The following OCLN variants were observed in gnomAD, a reference collection of about 807,000 sequenced individuals.
OCLN encodes the protein occludin.
A neutral mutation model predicts 47.9 loss-of-function variants in OCLN; 21 were observed. The ratio of observed to expected loss-of-function variants is 0.44; its 90% CI spans 0.31 to 0.63. The LOEUF (loss-of-function observed/expected upper bound fraction) is 0.63. Ranked by LOEUF, OCLN falls within the 30% of genes least tolerant of loss-of-function variation. The probability of loss-of-function intolerance (pLI) is 0.08; values close to 1 mark genes in which losing one functional copy is unlikely to be tolerated. For missense variants in OCLN, 360 were observed against 571.0 expected (o/e 0.63, Z 3.77); for synonymous variants, 117 against 198.4 (o/e 0.59, Z 3.45).
chr5:69,507,257 C>A (rs1030788889), intron 2 of OCLN, among the ~76,000 whole-genome samples: 5 of 152,068 alleles, frequency 3.3e-5, no homozygotes, highest in African/African-American at 1.2e-4. Flanking sequence ...GCCTCAGCCT[C>A]CCAAGTAGAT....
chr5:69,515,811 C>A (rs1433745197), intron 4 of OCLN, among the ~76,000 whole-genome samples: 10 of 151,380 alleles, frequency 6.6e-5, no homozygotes, highest in African/African-American at 2.4e-4. Flanking sequence ...CTCCTCACCT[C>A]CCAGACGGGG....
rs1358662300 is a variant in OCLN, at chr5:69,509,392, G to A, written c.302G>A (p.Ser101Asn). The change falls in exon 3 of 9, where the codon AGT becomes AAT. Residue 101 changes from serine to asparagine, a missense_variant. By Grantham distance (46) the Ser-to-Asn change is conservative (BLOSUM62 1). Around this residue, in one of 3 missense-constraint regions of OCLN, gnomAD observed 314 missense variants for 368.1 expected, o/e 0.85. Coordinates refer to ENST00000396442, the MANE Select transcript of OCLN (RefSeq NM_001205254.2). ...TATGGAACTTCCCTTTTAGGAGGTA[G>A]TGTAGGCTACCCTTATGGAGGAAGT... ...RGYGTSLLGG[S>N]VGYPYGGSGF... 2 of 1,614,216 alleles carry A rather than the reference G, an allele frequency of 1.2e-6. No homozygotes were observed. The highest frequency in any genetic ancestry group is 4.5e-5 in the East Asian group (2 of 44,888).
chr5:69,522,720 T>C (rs1769171961), intron 4 of OCLN, among the ~76,000 whole-genome samples: 1 of 151,740 alleles, frequency 6.6e-6, no homozygotes, highest in African/African-American at 2.4e-5. Flanking sequence ...CGGCACTCAG[T>C]TTTCCCTTTT....
chr5:69,520,531 C>G (rs887861171), intron 4 of OCLN, among the ~76,000 whole-genome samples: 7 of 150,176 alleles, frequency 4.7e-5, no homozygotes, highest in Non-Finnish European at 1.0e-4. Flanking sequence ...AAACTTCTGA[C>G]TACGTGATCC....
intron 1 of OCLN, chr5:69,502,608 G>A (rs1249142695): frequency 6.6e-6 from 1 of 152,186 alleles, no homozygotes; most frequent in Non-Finnish European, 1.5e-5. Context: ...CTAATCACTG[G>A]TATAACCTGG....
intron 7 of OCLN, among the ~76,000 whole-genome samples, chr5:69,549,312 G>A (rs1199474597): frequency 1.0e-5 from 1 of 97,838 alleles, no homozygotes; most frequent in Non-Finnish European, 1.8e-5. Flanking sequence ...CTGCACTCCA[G>A]CCTGAGTGAC....
intron 3 of OCLN, 149 bp downstream of exon 3, chr5:69,509,968 T>A: frequency 1.4e-6 from 1 of 714,024 alleles, no homozygotes; most frequent in East Asian, 2.6e-5. Flanking sequence ...CTGAGTCTCA[T>A]TAAGATATGA....
chr5:69,530,473 G>A (rs578028711), intron 4 of OCLN: 5 of 152,062 alleles, frequency 3.3e-5, no homozygotes, highest in African/African-American at 1.2e-4. Flanking sequence ...TGGGTTAGAG[G>A]AAAAAATATT....
At chr5:69,520,561 G>A (rs1769107504) in intron 4 of OCLN, among the ~76,000 whole-genome samples, 1 of 151,890 alleles carries the variant, frequency 6.6e-6, no homozygotes, top group African/African-American at 2.4e-5. Context: ...CAAAGTGCTG[G>A]GATTACAGGC....
At chr5:69,515,473 T>A (rs1580562572) in intron 4 of OCLN, among the ~76,000 whole-genome samples, 1 of 100,170 alleles carries the variant, frequency 1.0e-5, no homozygotes, top group African/African-American at 3.8e-5. Flanking sequence ...CACTTCCCAG[T>A]AGGGGCGGCC....
chr5:69,493,523 C>T lies in OCLN; in HGVS notation c.-69+623C>T, dbSNP rs1768202453. Among the ~76,000 whole-genome samples, 7 of 152,066 alleles carry T rather than the reference C, an allele frequency of 4.6e-5. No individual in the cohort carries two copies. Among genetic ancestry groups the T allele is most frequent in the Admixed American group, 4.6e-4 (7 of 15,286 alleles). On this transcript the variant is annotated intron_variant, in intron 1 of 8. Coordinates refer to ENST00000396442, the MANE Select transcript of OCLN (RefSeq NM_001205254.2). The surrounding 1 kb of genome is among the most constrained non-coding windows in gnomAD (Gnocchi z 5.3). ...ACTTGTTGCGAGTTGTGTGAACCCG[C>T]GTCGATTTAAGCTGGGGGGCGGGGA...
At chr5:69,522,095 C>T (rs1769154380) in intron 4 of OCLN, among the ~76,000 whole-genome samples, 1 of 152,144 alleles carries the variant, frequency 6.6e-6, no homozygotes, top group Non-Finnish European at 1.5e-5. Context: ...CTTGGCCTCC[C>T]AAAGTGTTGG....
At chr5:69,518,803 T>C (rs1769046772) in intron 4 of OCLN, among the ~76,000 whole-genome samples, 1 of 152,182 alleles carries the variant, frequency 6.6e-6, no homozygotes, top group Admixed American at 6.5e-5. Flanking sequence ...TTGGGTTTGA[T>C]TGATTGCAAA....
chr5:69,508,719 T>C (rs1399562928), intron 2 of OCLN, among the ~76,000 whole-genome samples: 2 of 152,196 alleles, frequency 1.3e-5, no homozygotes, highest in Non-Finnish European at 2.9e-5. Context: ...TATGGAGTAT[T>C]CCATTGTATG....
chr5:69,526,313 T>C (rs1340101873), intron 4 of OCLN, among the ~76,000 whole-genome samples: 3 of 152,194 alleles, frequency 2.0e-5, no homozygotes, highest in East Asian at 3.8e-4. Flanking sequence ...CATCATGGCA[T>C]ACTTGGAAAA....
At chr5:69,525,830 T>C (rs1010912814) in intron 4 of OCLN, among the ~76,000 whole-genome samples, 2 of 152,122 alleles carry the variant, frequency 1.3e-5, no homozygotes, top group Non-Finnish European at 2.9e-5. Context: ...CCCTTTTCCA[T>C]TGTGTTGATG....
At chr5:69,504,145 A>T in intron 1 of OCLN, 32 bp from the exon 2 acceptor site, 1 of 818,190 alleles carries the variant, frequency 1.2e-6, no homozygotes, top group Non-Finnish European at 2.2e-6. Context: ...TGAGCTTAGT[A>T]GTAATGCCAT....
At chr5:69,522,894 C>CTTT (rs60505522) in intron 4 of OCLN, among the ~76,000 whole-genome samples, 1 of 116,874 alleles carries the variant, frequency 8.6e-6, no homozygotes, top group East Asian at 2.4e-4. Context: ...GCCTGGCTGA[C>CTTT]TTTTTTTTTT....
At chr5:69,531,705 G>A (rs573685395) in intron 4 of OCLN, among the ~76,000 whole-genome samples, 71 of 152,322 alleles carry the variant, frequency 4.7e-4, no homozygotes, top group African/African-American at 1.6e-3. Context: ...CACTTTCAGA[G>A]GGAAATGATT....
Sources: allele counts gnomAD v4.1 joint callset (sites outside exome capture counted in the v4.1 genomes callset), GRCh38; gene constraint gnomAD v4.1.1; regional missense constraint gnomAD v4.1.1; non-coding constraint Gnocchi (gnomAD v3.1); transcripts MANE v1.5; gene names NCBI Gene and HGNC (gene_info 2026-07-23, HGNC 2026-07-21).